Variants in TNIP2 observed in about 807,000 individuals in gnomAD.
TNIP2 encodes TNFAIP3 interacting protein 2.
In TNIP2, 30 loss-of-function variants were observed where a neutral mutation model predicts 43.7. The ratio of observed to expected loss-of-function variants is 0.69; its 90% confidence interval spans 0.51 to 0.93. The LOEUF (loss-of-function observed/expected upper bound fraction) is 0.93, where lower values mean the gene tolerates loss of function less well. Among genes scored for constraint, TNIP2 ranks in the 40% least tolerant of loss-of-function variants. The pLI is 0.00. For missense variants in TNIP2, 599 were observed against 591.0 expected (o/e 1.01, Z -0.14); for synonymous variants, 260 against 254.6 (o/e 1.02, Z -0.20).
intron 2 of TNIP2, 135 bp downstream of exon 2, chr4:2,747,520 C>T: frequency 2.3e-6 from 2 of 867,692 alleles, no homozygotes; most frequent in Non-Finnish European, 3.6e-6. Flanking sequence ...TGAGCTTTGC[C>T]CCGTCAGCTG....
In TNIP2 at chr4:2,756,055, G is replaced by C. The variant is rs756536265; in HGVS notation, c.235C>G (p.Arg79Gly). 1 of 1,546,316 alleles carries C rather than the reference G, an allele frequency of 6.5e-7. No individual in the cohort carries two copies. Among genetic ancestry groups the C allele is most frequent in the Non-Finnish European group, 8.6e-7 (1 of 1,158,090 alleles). ...EQVARFREQL[R>G]RQEGGAAEAQ... The stretch of plus-strand genomic sequence containing the variant: ...TCGGCGGCGCCGCCCTCCTGCCTTC[G>C]CAGCTGCTCCCGGAAGCGCGCAACC... Residue 79 changes from arginine (R) to glycine (G), a missense_variant, in exon 1 of 6, where the codon CGA becomes GGA. Coordinates refer to ENST00000315423, the MANE Select transcript of TNIP2 (RefSeq NM_024309.4).
At chr4:2,745,108 G>A (rs946403565) in intron 3 of TNIP2, among the ~76,000 whole-genome samples, 163 bp from the exon 4 acceptor site, 6 of 152,206 alleles carry the variant, frequency 3.9e-5, no homozygotes, top group African/African-American at 1.2e-4. Context: ...CACTAGGCCC[G>A]CTAGAGAATC....
At chr4:2,755,970 A>G (rs1200095094) in intron 1 of TNIP2, 44 bp downstream of exon 1, 1 of 1,498,210 alleles carries the variant, frequency 6.7e-7, no homozygotes, top group Non-Finnish European at 8.8e-7. Flanking sequence ...CGGCCGCCAC[A>G]CGCACTCTCG....
chr4:2,752,738 T>A (rs1265430062), intron 1 of TNIP2, among the ~76,000 whole-genome samples: 1 of 152,136 alleles, frequency 6.6e-6, no homozygotes, highest in Non-Finnish European at 1.5e-5. Context: ...GCAATAAATA[T>A]GTAATTGCAT....
intron 1 of TNIP2, among the ~76,000 whole-genome samples, chr4:2,750,198 G>A (rs1273337892): frequency 6.6e-6 from 1 of 152,100 alleles, no homozygotes; most frequent in East Asian, 1.9e-4. Flanking sequence ...AGGTGAAGCA[G>A]GCTCAACTAG....
intron 5 of TNIP2, among the ~76,000 whole-genome samples, chr4:2,743,864 C>T (rs1336802333): frequency 6.6e-6 from 1 of 152,166 alleles, no homozygotes; most frequent in African/African-American, 2.4e-5. Context: ...GGAACTTCAT[C>T]GGTTCCCATT....
intron 1 of TNIP2, among the ~76,000 whole-genome samples, chr4:2,751,794 G>T (rs963309405): frequency 6.6e-6 from 1 of 150,436 alleles, no homozygotes; most frequent in Non-Finnish European, 1.5e-5. Flanking sequence ...GAGGGGAGGA[G>T]AAAGGAAGAA....
At chr4:2,754,485 C>G (rs995944194) in intron 1 of TNIP2, among the ~76,000 whole-genome samples, 1 of 152,182 alleles carries the variant, frequency 6.6e-6, no homozygotes, top group African/African-American at 2.4e-5. Context: ...GGCACAATCT[C>G]GGCTCACTGC....
chr4:2,754,191 A>G (rs1420636424), intron 1 of TNIP2, among the ~76,000 whole-genome samples: 1 of 152,246 alleles, frequency 6.6e-6, no homozygotes, highest in African/African-American at 2.4e-5. Context: ...TTCGCAGACT[A>G]CTGCCTTTGC....
At chr4:2,751,118 G>T (rs1017316054) in intron 1 of TNIP2, among the ~76,000 whole-genome samples, 8 of 152,226 alleles carry the variant, frequency 5.3e-5, no homozygotes, top group African/African-American at 1.9e-4. Context: ...CAGCCCCCGG[G>T]CTTCTGGCAT....
Position 2,756,089 on chromosome 4 carries a change from C to G in TNIP2, c.201G>C (p.Leu67=). Residue 67 remains leucine (L), a synonymous_variant, in exon 1 of 6, where the codon CTG becomes CTC. Coordinates refer to ENST00000315423, the MANE Select transcript of TNIP2 (RefSeq NM_024309.4). ...CCCGGAAGCGCGCAACCTGCTCCAG[C>G]AGCGCGTCCACTAGGGACGGCGCGG... is the stretch of plus-strand genomic sequence containing the variant. The part of the protein sequence containing the change: ...GDAAPSLVDA[L]LEQVARFREQ... The G allele has an allele frequency of 6.6e-7, 1 of 1,522,084 alleles. No individual in the cohort carries two copies. The highest frequency in any genetic ancestry group is 8.7e-7 in the Non-Finnish European group (1 of 1,146,834). The allele number at this position is 1,522,084 out of a possible 1,614,324, so 94.3% of individuals were successfully genotyped here.
At chr4:2,743,899 C>T (rs1196695454) in intron 5 of TNIP2, among the ~76,000 whole-genome samples, 1 of 152,136 alleles carries the variant, frequency 6.6e-6, no homozygotes, top group Non-Finnish European at 1.5e-5. Context: ...CTCAAGGCAC[C>T]CCATGGTAGG....
intron 1 of TNIP2, among the ~76,000 whole-genome samples, chr4:2,753,567 A>T (rs991130065): frequency 4.6e-5 from 7 of 152,246 alleles, no homozygotes; most frequent in African/African-American, 1.7e-4. Flanking sequence ...AAGCTGCAAT[A>T]AGCTGCTTGG....
chr4:2,748,060 A>C, intron 1 of TNIP2, 115 bp from the exon 2 acceptor site: 4 of 1,104,442 alleles, frequency 3.6e-6, no homozygotes, highest in South Asian at 3.1e-5. Flanking sequence ...AGACACAAAC[A>C]TACTCACTCA....
rs74605152 is a variant in TNIP2, at chr4:2,744,371, C to T, written c.1026+16G>A. 9,020 of 1,613,950 alleles carry T rather than the reference C, an allele frequency of 5.6e-3. 385 individuals are homozygous for T. The African/African-American group carries it at 0.1, about 18-fold the overall frequency. ...CACTAAACCTAAGCAGGAAGAAAAA[C>T]GCCCTCATACTCTACCTGTCTCCAG... On this transcript the variant is annotated intron_variant, in intron 5 of 5. Transcript: ENST00000315423. This position sits in a 1 kb window ranked among gnomAD's most constrained non-coding sequence, Gnocchi z 5.1.
intron 1 of TNIP2, 120 bp from the exon 2 acceptor site, chr4:2,748,065 C>G: frequency 9.3e-7 from 1 of 1,076,892 alleles, no homozygotes; most frequent in South Asian, 1.6e-5. Flanking sequence ...CAAACATACT[C>G]ACTCAGAAGT....
chr4:2,748,600 C>T (rs935385218), intron 1 of TNIP2, among the ~76,000 whole-genome samples: 3 of 152,170 alleles, frequency 2.0e-5, no homozygotes, highest in East Asian at 1.9e-4. Context: ...CCTCGGCATC[C>T]GCCCACCTCA....
Position 2,754,093 on chromosome 4 carries a change from A to G in TNIP2, c.276+1921T>C, listed in dbSNP as rs185260513. Reference sequence around the variant, plus strand: ...TTTTTCAGATATTCAAAATTGTTTTATAATTTTTTTTCTTTTTTAAAAAGG... The same window carrying G: ...TTTTTCAGATATTCAAAATTGTTTTGTAATTTTTTTTCTTTTTTAAAAAGG... On this transcript the variant is annotated intron_variant, in intron 1 of 5. Transcript: ENST00000315423. 2.2e-3 allele frequency among the ~76,000 whole-genome samples: 333 copies of G among 152,300 alleles called. 2 individuals are homozygous for G. The highest frequency in any genetic ancestry group is 7.5e-3 in the African/African-American group (313 of 41,580).
intron 1 of TNIP2, 86 bp downstream of exon 1, chr4:2,755,928 G>A (rs1453690615): frequency 3.6e-6 from 5 of 1,389,676 alleles, no homozygotes; most frequent in Non-Finnish European, 3.7e-6. Context: ...CTCAGGACCC[G>A]GGGCCCGCTC....
Sources: gnomAD v4.1 joint callset for allele counts (sites outside exome capture counted in the v4.1 genomes callset) on GRCh38, gnomAD v4.1.1 for gene constraint, Gnocchi (gnomAD v3.1) non-coding constraint, MANE v1.5 for transcripts, NCBI Gene and HGNC (gene_info 2026-07-23, HGNC 2026-07-21) for gene names.